The following LTBP2 variants were observed in gnomAD, a reference collection of about 807,000 sequenced individuals.
LTBP2 encodes the protein latent-transforming growth factor beta-binding protein 2.
In LTBP2, 103 loss-of-function variants were observed where a neutral mutation model predicts 210.6. The ratio of observed to expected loss-of-function variants is 0.49; its 90% CI spans 0.42 to 0.58. LTBP2 has a LOEUF of 0.58. LTBP2 is among the 20% of genes least tolerant of loss of function. The probability of loss-of-function intolerance (pLI) is 0.00; values close to 1 mark genes in which losing one functional copy is unlikely to be tolerated. For synonymous variants in LTBP2, 1,007 were observed against 1,015.0 expected, an observed-to-expected ratio of 0.99 and a Z score of 0.15; for missense variants, 2,313 against 2,494.5, an observed-to-expected ratio of 0.93 and a Z score of 1.55.
intron 3 of LTBP2, among the ~76,000 whole-genome samples, chr14:74,562,256 G>A (rs1457306129): frequency 6.6e-6 from 1 of 151,860 alleles, no homozygotes; most frequent in Admixed American, 6.6e-5. Flanking sequence ...AACATAAGAA[G>A]TGCATGGAGG....
chr14:74,611,750 T>C lies in LTBP2; in HGVS notation c.195A>G (p.Ala65=). Residue 65 remains alanine, a synonymous_variant, in exon 1 of 36, where the codon GCA becomes GCG. Transcript: ENST00000261978. ...RPGGSYPAAA[A]AKVYSLFREQ... ...CCCGGAACAGACTGTACACCTTGGCTGCAGCCGCTGCCGGGTAGCTGCCCC... is the reference window on the plus strand; with the variant it reads ...CCCGGAACAGACTGTACACCTTGGCCGCAGCCGCTGCCGGGTAGCTGCCCC... The C allele has an allele frequency of 6.2e-7, 1 of 1,606,394 alleles. No homozygotes were observed. Among genetic ancestry groups the C allele is most frequent in the South Asian group, 1.1e-5 (1 of 90,802 alleles).
At chr14:74,551,775 G>A (rs1193731540) in intron 6 of LTBP2, among the ~76,000 whole-genome samples, 1 of 152,226 alleles carries the variant, frequency 6.6e-6, no homozygotes, top group Non-Finnish European at 1.5e-5. Flanking sequence ...GGGCTTAGGA[G>A]CCTCTCCATC....
rs1318412348 is a variant in LTBP2 at position 74,528,529 on chromosome 14, C to A, written c.2322G>T (p.Arg774=). ...CCTCAAGCCAGGTGTCCGTGACGAC[C>A]CGGAGGGGCTGCCTCTCTGCTGGCC... ...LPGPAERQPL[R]VVTDTWLEAG... is the part of the protein sequence containing the mutation. Residue 774 remains arginine, a synonymous_variant, in exon 12 of 36, where the codon CGG becomes CGT. Transcript: ENST00000261978. The A allele has an allele frequency of 6.2e-7, 1 of 1,612,362 alleles. No individual in the cohort carries two copies. Among genetic ancestry groups the A allele is most frequent in the Non-Finnish European group, 8.5e-7 (1 of 1,180,040 alleles).
Position 74,509,719 on chromosome 14 carries a change from C to T in LTBP2, c.3277+15G>A, listed in dbSNP as rs1248333699. On this transcript the variant is annotated intron_variant, in intron 21 of 35. Transcript: ENST00000261978. ...TATATTCTGTCCCCTTCCACCACTG[C>T]CTCCCCAGGGTTACCTTCACAGGCA... 1 of 1,614,042 alleles carries T rather than the reference C, an allele frequency of 6.2e-7. No individual in the cohort carries two copies. The highest frequency in any genetic ancestry group is 1.1e-5 in the South Asian group (1 of 91,070).
intron 18 of LTBP2, 76 bp from the exon 19 acceptor site, chr14:74,511,440 T>G: frequency 6.3e-7 from 1 of 1,587,012 alleles, no homozygotes; most frequent in Middle Eastern, 1.7e-4. Context: ...CAGCAAATCC[T>G]TGTCCCTGCC....
At chr14:74,600,454 C>A (rs1374790441) in intron 2 of LTBP2, among the ~76,000 whole-genome samples, 1 of 147,036 alleles carries the variant, frequency 6.8e-6, no homozygotes, top group Non-Finnish European at 1.5e-5. Context: ...CACAAGGATG[C>A]CCCCACACAC....
At chr14:74,518,131 G>T (rs1286003701) in intron 17 of LTBP2, among the ~76,000 whole-genome samples, 1 of 152,164 alleles carries the variant, frequency 6.6e-6, no homozygotes, top group African/African-American at 2.4e-5. Context: ...TGTCCCCACA[G>T]TCAAATTAAT....
intron 8 of LTBP2, among the ~76,000 whole-genome samples, chr14:74,541,170 A>C (rs969232321): frequency 3.3e-5 from 5 of 151,500 alleles, no homozygotes; most frequent in African/African-American, 1.2e-4. Context: ...TTGAGCTGAA[A>C]AACTCAGTTC....
chr14:74,611,977 G>A lies in LTBP2; in HGVS notation c.-33C>T, dbSNP rs886050760. The A allele has an allele frequency of 2.0e-6, 3 of 1,528,140 alleles. No homozygotes were observed. The highest frequency in any genetic ancestry group is 2.4e-5 in the East Asian group (1 of 42,408). The allele number at this position is 1,528,140 out of a possible 1,614,324, so 94.7% of individuals were successfully genotyped here. On this transcript the variant is annotated 5_prime_UTR_variant, in exon 1 of 36. Coordinates refer to ENST00000261978, the MANE Select transcript of LTBP2 (RefSeq NM_000428.3). Reference sequence around the variant, plus strand: ...GGCGGCTGGAGAGTGGTGCGCGCGGGCACCGCGAAGAGCTTTGTGGTCGGC... The same window carrying A: ...GGCGGCTGGAGAGTGGTGCGCGCGGACACCGCGAAGAGCTTTGTGGTCGGC...
Position 74,516,947 on chromosome 14 carries a change from A to T in LTBP2, c.2789-6T>A. 1 of 1,550,990 alleles carries T rather than the reference A, an allele frequency of 6.4e-7. No individual in the cohort carries two copies. The highest frequency in any genetic ancestry group is 8.7e-7 in the Non-Finnish European group (1 of 1,147,016). ...CTGCTCACACTCATTGATATCTGTGAACACACAGAAAAGCCCTGAGTCACA... is the reference window on the plus strand; with the variant it reads ...CTGCTCACACTCATTGATATCTGTGTACACACAGAAAAGCCCTGAGTCACA... On this transcript the variant is annotated splice_region_variant and splice_polypyrimidine_tract_variant and intron_variant, in intron 17 of 35. Coordinates refer to ENST00000261978, the MANE Select transcript of LTBP2 (RefSeq NM_000428.3).
intron 3 of LTBP2, among the ~76,000 whole-genome samples, chr14:74,556,611 G>A (rs1157284464): frequency 2.0e-5 from 3 of 152,202 alleles, no homozygotes; most frequent in African/African-American, 4.8e-5. Context: ...CTGCCTCCTG[G>A]GTTCAAGCAA....
In LTBP2 at chr14:74,508,035, C is replaced by A. The variant is rs780180036; in HGVS notation, c.3713G>T (p.Gly1238Val). 6 of 1,613,960 alleles carry A rather than the reference C, an allele frequency of 3.7e-6. 1 individual carries two copies. In the South Asian group the frequency reaches 6.6e-5, roughly 18 times the overall value. The change falls in exon 25 of 36, where the codon GGC becomes GTC. Residue 1238 changes from glycine to valine, a missense_variant. Around this residue, in one of 3 missense-constraint regions of LTBP2, gnomAD observed 1,867 missense variants for 1,976.9 expected, o/e 0.94. Transcript: ENST00000261978. The stretch of plus-strand genomic sequence containing the variant: ...AGTCTCACATAGACAGTTGAAGGAG[C>A]CCTCGGTGTTGACACAGTGCCCTCC... ...CVGGHCVNTE[G>V]SFNCLCETGF...
At chr14:74,533,581 G>A (rs1196496701) in intron 9 of LTBP2, among the ~76,000 whole-genome samples, 1 of 152,208 alleles carries the variant, frequency 6.6e-6, no homozygotes, top group African/African-American at 2.4e-5. Flanking sequence ...GAAGGGGAAG[G>A]GGACAGCAGG....
rs137874070 is a variant in LTBP2 at position 74,533,710 on chromosome 14, C to T, written c.1865-1162G>A. On this transcript the variant is annotated intron_variant, in intron 9 of 35. Coordinates refer to ENST00000261978, the MANE Select transcript of LTBP2 (RefSeq NM_000428.3). ...CCCCGGAAACCCGTGGAGGCTCATG[C>T]TGTTCTTCAAATAAGGGAGGTGCAC... 7.6e-3 allele frequency among the ~76,000 whole-genome samples: 1,160 copies of T among 152,298 alleles called. 20 individuals are homozygous for T. The highest frequency in any genetic ancestry group is 0.026 in the African/African-American group (1,101 of 41,552).
In LTBP2 at chr14:74,508,603, C is replaced by T; in HGVS notation, c.3652+1G>A. 6.2e-7 allele frequency: 1 copy of T among 1,605,726 alleles called. No individual in the cohort carries two copies. Among genetic ancestry groups the T allele is most frequent in the African/African-American group, 1.3e-5 (1 of 75,010 alleles). ...TAGAGGTAGCTGTGCTGGCTTCTCA[C>T]CCTGGCAGCTGGTGCCCCCCTCTGC... On this transcript the variant is annotated splice_donor_variant, in intron 24 of 35. Coordinates refer to ENST00000261978, the MANE Select transcript of LTBP2 (RefSeq NM_000428.3). LOFTEE classifies it high-confidence loss of function.
At chr14:74,540,770 A>G (rs1595263078) in intron 8 of LTBP2, among the ~76,000 whole-genome samples, 1 of 81,908 alleles carries the variant, frequency 1.2e-5, no homozygotes, top group Middle Eastern at 4.6e-3. Flanking sequence ...ATCTTAAAAA[A>G]TATATATATA....
At chr14:74,535,849 G>A in intron 9 of LTBP2, 77 bp downstream of exon 9, 1 of 1,336,096 alleles carries the variant, frequency 7.5e-7, no homozygotes, top group Non-Finnish European at 1.1e-6. Flanking sequence ...CTCGGCCAGT[G>A]ACAGACACCC....
chr14:74,506,852 G>GAT, intron 26 of LTBP2, 29 bp from the exon 27 acceptor site: 1 of 1,590,508 alleles, frequency 6.3e-7, no homozygotes, highest in South Asian at 1.1e-5. Flanking sequence ...CAGGATAGAG[G>GAT]ATGTGTGTGT....
chr14:74,568,879 T>C (rs1255022010), intron 3 of LTBP2, among the ~76,000 whole-genome samples: 1 of 152,128 alleles, frequency 6.6e-6, no homozygotes, highest in Non-Finnish European at 1.5e-5. Flanking sequence ...ATGAACCTCA[T>C]GCTTGAAAAG....
Sources: gnomAD v4.1 joint callset for allele counts (sites outside exome capture counted in the v4.1 genomes callset) on GRCh38, gnomAD v4.1.1 for gene constraint, gnomAD v4.1.1 regional missense constraint, MANE v1.5 for transcripts, NCBI Gene and HGNC (gene_info 2026-07-23, HGNC 2026-07-21) for gene names.